Variants in ZBBX observed in about 807,000 individuals in gnomAD.
ZBBX encodes the protein zinc finger B-box domain containing.
In ZBBX, 101 loss-of-function variants were observed where a neutral mutation model predicts 108.5. That is an observed-to-expected ratio of 0.93 (90% CI 0.79 to 1.10). The LOEUF (loss-of-function observed/expected upper bound fraction) is 1.10, where lower values mean the gene tolerates loss of function less well. ZBBX is among the 50% of genes least tolerant of loss of function. The pLI is 0.00. For synonymous variants in ZBBX, 356 were observed against 323.4 expected, an observed-to-expected ratio of 1.10 and a Z score of -1.08; for missense variants, 1,009 against 941.4, an observed-to-expected ratio of 1.07 and a Z score of -0.94.
chr3:167,202,689 G>T, the ZBBX span, among the ~76,000 whole-genome samples: 3 of 152,116 alleles, frequency 2.0e-5, no homozygotes, highest in South Asian at 6.2e-4. Flanking sequence ...GAAAATGGAA[G>T]TTTATAATGG....
intron 1 of ZBBX, among the ~76,000 whole-genome samples, chr3:167,405,403 G>C (rs1448672534): frequency 2.0e-5 from 3 of 152,154 alleles, no homozygotes; most frequent in African/African-American, 7.2e-5. Flanking sequence ...ACCAGAAAAA[G>C]TGTGTCATAA....
chr3:167,401,126 A>C (rs1016537638), intron 1 of ZBBX, among the ~76,000 whole-genome samples: 12 of 152,236 alleles, frequency 7.9e-5, no homozygotes, highest in Non-Finnish European at 7.3e-5. Context: ...AAATAAATCC[A>C]ATAAACAACT....
At chr3:167,393,310 T>G (rs558168126) in intron 1 of ZBBX, among the ~76,000 whole-genome samples, 13 of 152,014 alleles carry the variant, frequency 8.6e-5, no homozygotes, top group Middle Eastern at 3.4e-3. Context: ...CCACTATATT[T>G]AGATTTTGTT....
downstream of ZBBX, among the ~76,000 whole-genome samples, chr3:167,235,178 C>A (rs1463925291): frequency 2.0e-5 from 3 of 151,600 alleles, no homozygotes; most frequent in South Asian, 6.2e-4. Flanking sequence ...GCCTAACCTA[C>A]AAGGTATTCT....
intron 16 of ZBBX, among the ~76,000 whole-genome samples, chr3:167,311,822 T>G (rs887964101): frequency 6.6e-6 from 1 of 152,146 alleles, no homozygotes; most frequent in Non-Finnish European, 1.5e-5. Context: ...CTTTCATTAA[T>G]TGCTGGTGGG....
chr3:167,310,531 A>C (rs1734398534), intron 16 of ZBBX, among the ~76,000 whole-genome samples: 1 of 152,118 alleles, frequency 6.6e-6, no homozygotes, highest in South Asian at 2.1e-4. Context: ...AGGTCTCAGG[A>C]GTCTTATAAT....
At chr3:167,213,273 A>C in the ZBBX span, among the ~76,000 whole-genome samples, 2 of 152,222 alleles carry the variant, frequency 1.3e-5, no homozygotes, top group African/African-American at 4.8e-5. Flanking sequence ...GGCAAAACCC[A>C]ATCTGAGGAA....
At chr3:167,187,132 G>T in the ZBBX span, among the ~76,000 whole-genome samples, 8 of 152,084 alleles carry the variant, frequency 5.3e-5, no homozygotes, top group South Asian at 1.2e-3. Context: ...TATTTTGTTC[G>T]GTTTTGTTTA....
chr3:167,245,098 T>C (rs1342918960), intron 20 of ZBBX, among the ~76,000 whole-genome samples: 2 of 152,192 alleles, frequency 1.3e-5, no homozygotes, highest in East Asian at 3.9e-4. Context: ...CTAGAATAGC[T>C]ACATATCTAC....
At chr3:167,310,315 G>A (rs1340713824) in intron 16 of ZBBX, among the ~76,000 whole-genome samples, 1 of 152,048 alleles carries the variant, frequency 6.6e-6, no homozygotes, top group East Asian at 1.9e-4. Context: ...TTCTTCTTCT[G>A]AGCCCTCCAA....
chr3:167,311,635 G>T (rs1034833769), intron 16 of ZBBX, among the ~76,000 whole-genome samples: 1 of 151,296 alleles, frequency 6.6e-6, no homozygotes, highest in Non-Finnish European at 1.5e-5. Flanking sequence ...AACCTGAACA[G>T]ATATTTTAAC....
chr3:167,224,179 A>T, the ZBBX span, among the ~76,000 whole-genome samples: 1 of 151,968 alleles, frequency 6.6e-6, no homozygotes, highest in African/African-American at 2.4e-5. Context: ...ACATTCTAAT[A>T]CATATCAGTT....
chr3:167,306,994 T>C (rs1733762111), intron 16 of ZBBX, among the ~76,000 whole-genome samples: 1 of 152,136 alleles, frequency 6.6e-6, no homozygotes, highest in Non-Finnish European at 1.5e-5. Flanking sequence ...TATTTAGAAC[T>C]AGTGGAAACA....
chr3:167,267,799 T>G (rs1315118801), intron 20 of ZBBX, among the ~76,000 whole-genome samples: 1 of 152,118 alleles, frequency 6.6e-6, no homozygotes, highest in Non-Finnish European at 1.5e-5. Flanking sequence ...CATCCGACAA[T>G]GAAGACTCAA....
At chr3:167,214,305 A>G in the ZBBX span, among the ~76,000 whole-genome samples, 1 of 152,140 alleles carries the variant, frequency 6.6e-6, no homozygotes, top group African/African-American at 2.4e-5. Flanking sequence ...AGAAAAATCA[A>G]CCAAGCAAAT....
At chr3:167,216,866 T>C in the ZBBX span, among the ~76,000 whole-genome samples, 1 of 152,072 alleles carries the variant, frequency 6.6e-6, no homozygotes, top group Admixed American at 6.6e-5. Context: ...AAACAAGCAA[T>C]GGGAAAAATA....
chr3:167,280,065 A>T (rs965110130), intron 20 of ZBBX, among the ~76,000 whole-genome samples: 1 of 152,058 alleles, frequency 6.6e-6, no homozygotes, highest in African/African-American at 2.4e-5. Flanking sequence ...CTGAAACTGG[A>T]TCCCTTCCTT....
chr3:167,313,352 C>T (rs777497277), intron 16 of ZBBX, among the ~76,000 whole-genome samples: 4 of 151,836 alleles, frequency 2.6e-5, no homozygotes, highest in Admixed American at 6.6e-5. Flanking sequence ...CTCGGCTTAC[C>T]GCAACCTCTG....
chr3:167,273,812 G>A (rs148828182), intron 20 of ZBBX, among the ~76,000 whole-genome samples: 98 of 152,284 alleles, frequency 6.4e-4, no homozygotes, highest in African/African-American at 1.9e-3. Context: ...TGACTCTGAC[G>A]TTTATTTAGA....
Sources: allele counts gnomAD v4.1 joint callset (sites outside exome capture counted in the v4.1 genomes callset), GRCh38; gene constraint gnomAD v4.1.1; transcripts MANE v1.5; gene names NCBI Gene and HGNC (gene_info 2026-07-23, HGNC 2026-07-21).